SLC25A21: variants seen among roughly 807,000 people sequenced by gnomAD.
SLC25A21 encodes the protein solute carrier family 25 member 21.
A neutral mutation model predicts 43.8 loss-of-function variants in SLC25A21; 47 were observed. The ratio of observed to expected loss-of-function variants is 1.07; its 90% CI spans 0.85 to 1.37. The LOEUF (loss-of-function observed/expected upper bound fraction) is 1.37, where lower values mean the gene tolerates loss of function less well. SLC25A21 is among the 40% of genes most tolerant of loss of function. The probability of loss-of-function intolerance (pLI) is 0.00; values close to 1 mark genes in which losing one functional copy is unlikely to be tolerated. For missense variants in SLC25A21, 352 were observed against 350.2 expected, an observed-to-expected ratio of 1.00 and a Z score of -0.04; for synonymous variants, 131 against 121.3, an observed-to-expected ratio of 1.08 and a Z score of -0.52.
At chr14:36,888,077 C>T (rs1486264684) in intron 1 of SLC25A21, among the ~76,000 whole-genome samples, 1 of 152,130 alleles carries the variant, frequency 6.6e-6, no homozygotes, top group African/African-American at 2.4e-5. Flanking sequence ...TGCTATAAAT[C>T]ACAGTTTTTG....
chr14:36,787,650 T>G (rs1461379961), intron 3 of SLC25A21, among the ~76,000 whole-genome samples: 1 of 152,224 alleles, frequency 6.6e-6, no homozygotes, highest in African/African-American at 2.4e-5. Flanking sequence ...TGGATACAAA[T>G]GTTGTGTACA....
chr14:37,003,101 A>T (rs1197004867), intron 1 of SLC25A21, among the ~76,000 whole-genome samples: 1 of 152,192 alleles, frequency 6.6e-6, no homozygotes, highest in Non-Finnish European at 1.5e-5. Flanking sequence ...ACCAAACCCT[A>T]TACACACTAC....
Position 36,684,618 on chromosome 14 carries a change from C to T in SLC25A21, c.785+126G>A, listed in dbSNP as rs571981467. On this transcript the variant is annotated intron_variant, in intron 8 of 9. Coordinates refer to ENST00000331299, the MANE Select transcript of SLC25A21 (RefSeq NM_030631.4). ...TCTTGGAAAGTTTGTCATATATATT[C>T]GCAGTTTCTTAGACACAAGCTCCAC... The T allele has an allele frequency of 1.2e-4, 93 of 795,152 alleles. No individual in the cohort carries two copies. The South Asian group carries it at 2.2e-3, about 19-fold the overall frequency. 49.3% of individuals were successfully genotyped at this position (795,152 alleles called of 1,614,324 possible). A position where few individuals can be genotyped will look rare whatever the true frequency, so the allele number is the denominator to read the frequency against.
At chr14:37,063,094 T>C (rs1258150366) in intron 1 of SLC25A21, among the ~76,000 whole-genome samples, 2 of 152,122 alleles carry the variant, frequency 1.3e-5, no homozygotes, top group African/African-American at 2.4e-5. Context: ...TCGTATCTCA[T>C]GAGAACTAAC....
chr14:37,167,487 TG>T lies in SLC25A21; in HGVS notation c.70+4793del, dbSNP rs200205653. On this transcript the variant is annotated intron_variant, in intron 1 of 9. Coordinates refer to ENST00000331299, the MANE Select transcript of SLC25A21 (RefSeq NM_030631.4). ...TCCTGGGTATAGGCCAAACTAACTTTGGGAGGAACTTCATTTATAGTTTACA... is the reference window on the plus strand; with the variant it reads ...TCCTGGGTATAGGCCAAACTAACTTTGGAGGAACTTCATTTATAGTTTACA... Among the ~76,000 whole-genome samples the T allele has an allele frequency of 3.0e-3, 450 of 151,310 alleles. 5 individuals carry two copies. The East Asian group carries it at 0.038, about 13-fold the overall frequency.
At chr14:36,968,304 C>T (rs1959665987) in intron 1 of SLC25A21, among the ~76,000 whole-genome samples, 1 of 152,216 alleles carries the variant, frequency 6.6e-6, no homozygotes, top group African/African-American at 2.4e-5. Context: ...CTAAGCCCCT[C>T]TACTGAGAGT....
intron 1 of SLC25A21, among the ~76,000 whole-genome samples, chr14:36,957,721 A>G (rs1000942351): frequency 6.6e-6 from 1 of 152,232 alleles, no homozygotes; most frequent in African/African-American, 2.4e-5. Context: ...TGAAACAGCA[A>G]TATTTTTGAT....
chr14:37,117,872 T>G (rs9322974), intron 1 of SLC25A21, among the ~76,000 whole-genome samples: 24 of 82,354 alleles, frequency 2.9e-4, no homozygotes, highest in African/African-American at 6.3e-4. Context: ...TTGTTTGTTT[T>G]TTTTTTTTGT....
At chr14:37,039,968 G>C (rs1307826687) in intron 1 of SLC25A21, among the ~76,000 whole-genome samples, 2 of 152,024 alleles carry the variant, frequency 1.3e-5, no homozygotes, top group African/African-American at 4.8e-5. Context: ...GCCTAGGCTG[G>C]TGGATCACCT....
At chr14:37,131,004 GAGA>G (rs1963383386) in intron 1 of SLC25A21, among the ~76,000 whole-genome samples, 1 of 152,206 alleles carries the variant, frequency 6.6e-6, no homozygotes, top group South Asian at 2.1e-4. Context: ...GGGAAGGAGG[GAGA>G]AGATGATAAT....
chr14:36,756,070 T>C (rs1885916744), intron 3 of SLC25A21, among the ~76,000 whole-genome samples: 1 of 152,120 alleles, frequency 6.6e-6, no homozygotes, highest in Non-Finnish European at 1.5e-5. Context: ...TGCCATCCCA[T>C]AATAAAAGAG....
chr14:36,681,109 T>A (rs558004514), intron 9 of SLC25A21, among the ~76,000 whole-genome samples: 8 of 152,090 alleles, frequency 5.3e-5, no homozygotes, highest in African/African-American at 1.9e-4. Flanking sequence ...TTTCAGTCCG[T>A]AATTAGCAGT....
chr14:36,833,706 C>A (rs1040439442), intron 2 of SLC25A21, among the ~76,000 whole-genome samples: 7 of 152,074 alleles, frequency 4.6e-5, no homozygotes, highest in African/African-American at 1.7e-4. Flanking sequence ...CAACAGGAAG[C>A]AATAGTAAAA....
At chr14:36,687,998 C>G (rs368943433) in intron 7 of SLC25A21, among the ~76,000 whole-genome samples, 3 of 152,232 alleles carry the variant, frequency 2.0e-5, no homozygotes, top group Non-Finnish European at 1.5e-5. Context: ...CCCACACCCA[C>G]TATATGCTTC....
Position 37,172,437 on chromosome 14 carries a change from G to T in SLC25A21, c.-87C>A. The stretch of plus-strand genomic sequence containing the variant: ...CAGCCTACTGATCCAGAGAGCCCCG[G>T]CTGGGCTGGTCCTCAAGCGCGTTGG... On this transcript the variant is annotated 5_prime_UTR_variant, in exon 1 of 10. Transcript: ENST00000331299. 1 of 1,399,502 alleles carries T rather than the reference G, an allele frequency of 7.1e-7. No individual in the cohort carries two copies. The highest frequency in any genetic ancestry group is 9.9e-7 in the Non-Finnish European group (1 of 1,008,274). 86.7% of individuals were successfully genotyped at this position (1,399,502 alleles called of 1,614,324 possible). A position where few individuals can be genotyped will look rare whatever the true frequency, so the allele number is the denominator to read the frequency against.
chr14:36,865,846 C>T (rs1890198551), intron 2 of SLC25A21, among the ~76,000 whole-genome samples: 1 of 152,162 alleles, frequency 6.6e-6, no homozygotes, highest in African/African-American at 2.4e-5. Flanking sequence ...CCCATAAGTG[C>T]ATATATAACA....
At chr14:36,738,206 C>A (rs1885119969) in intron 3 of SLC25A21, among the ~76,000 whole-genome samples, 2 of 152,192 alleles carry the variant, frequency 1.3e-5, no homozygotes, top group African/African-American at 4.8e-5. Context: ...AGGGCTCAAG[C>A]TGATAGCTAT....
intron 2 of SLC25A21, among the ~76,000 whole-genome samples, chr14:36,867,178 T>C (rs1335056324): frequency 6.6e-6 from 1 of 152,122 alleles, no homozygotes. Flanking sequence ...ACCTACTTCT[T>C]TCCCAATCCA....
chr14:37,113,583 T>C (rs1963057385), intron 1 of SLC25A21, among the ~76,000 whole-genome samples: 1 of 152,094 alleles, frequency 6.6e-6, no homozygotes, highest in South Asian at 2.1e-4. Flanking sequence ...ACCGGGAGTG[T>C]TGGCTCACAC....
Sources: gnomAD v4.1 joint callset for allele counts (sites outside exome capture counted in the v4.1 genomes callset) on GRCh38, gnomAD v4.1.1 for gene constraint, MANE v1.5 for transcripts, NCBI Gene and HGNC (gene_info 2026-07-23, HGNC 2026-07-21) for gene names.